IFT81: variants seen among roughly 807,000 people sequenced by gnomAD.
IFT81 encodes the protein intraflagellar transport protein 81 homolog.
IFT81 carries 72 observed loss-of-function variants against 102.6 expected under a neutral mutation model. The ratio of observed to expected loss-of-function variants is 0.70; its 90% CI spans 0.58 to 0.85. IFT81 has a LOEUF of 0.85. Ranked by LOEUF, IFT81 falls within the 40% of genes least tolerant of loss-of-function variation. The pLI, the probability that IFT81 is intolerant of heterozygous loss-of-function variation, is 0.00. For synonymous variants in IFT81, 237 were observed against 242.7 expected (o/e 0.98, Z 0.22); for missense variants, 723 against 787.3 (o/e 0.92, Z 0.98).
At chr12:110,216,300 C>T (rs1870115374) in intron 18 of IFT81, among the ~76,000 whole-genome samples, 3 of 151,916 alleles carry the variant, frequency 2.0e-5, no homozygotes, top group Middle Eastern at 6.9e-3. Flanking sequence ...AGTGACCCTT[C>T]CACCTCAGCC....
chr12:110,146,979 C>T lies in IFT81; in HGVS notation c.972C>T (p.Asn324=). 6.2e-7 allele frequency: 1 copy of T among 1,606,530 alleles called. No homozygotes were observed. ...TAAATGAAATAAACACAGAAATTAA[C>T]CAGTTGATTGAAAAGAAAATGATGA... ...SKINEINTEI[N]QLIEKKMMRN... is the part of the protein sequence containing the mutation. The change falls in exon 10 of 19, where the codon AAC becomes AAT. Residue 324 remains asparagine (N), a synonymous_variant. Transcript: ENST00000242591.
At chr12:110,154,307 A>G (rs1895714460) in intron 10 of IFT81, among the ~76,000 whole-genome samples, 1 of 151,520 alleles carries the variant, frequency 6.6e-6, no homozygotes, top group Non-Finnish European at 1.5e-5. Flanking sequence ...AGCCCAGGCA[A>G]CAGTGTGAGA....
At chr12:110,194,059 C>T (rs547308214) in intron 14 of IFT81, among the ~76,000 whole-genome samples, 1 of 152,170 alleles carries the variant, frequency 6.6e-6, no homozygotes, top group Admixed American at 6.5e-5. Flanking sequence ...GAGGAGGGGC[C>T]TCACACTTTT....
chr12:110,191,542 G>A (rs572817736), intron 13 of IFT81, among the ~76,000 whole-genome samples: 3 of 151,792 alleles, frequency 2.0e-5, no homozygotes, highest in Non-Finnish European at 4.4e-5. Context: ...AATAGTTTAT[G>A]CATTTTCTGT....
chr12:110,189,063 ACTT>A (rs746223112), intron 12 of IFT81, among the ~76,000 whole-genome samples: 16 of 152,028 alleles, frequency 1.1e-4, no homozygotes, highest in Admixed American at 3.3e-4. Flanking sequence ...TTCCTGTAAA[ACTT>A]CTTCTTCTGT....
intron 14 of IFT81, among the ~76,000 whole-genome samples, chr12:110,194,883 G>A (rs1180349033): frequency 6.6e-6 from 1 of 151,948 alleles, no homozygotes; most frequent in Non-Finnish European, 1.5e-5. Flanking sequence ...TTCAGGACGT[G>A]GGAGGACTGA....
chr12:110,127,099 C>A (rs1436532844), intron 1 of IFT81, among the ~76,000 whole-genome samples: 1 of 152,084 alleles, frequency 6.6e-6, no homozygotes, highest in Non-Finnish European at 1.5e-5. Flanking sequence ...ATTCATTTGT[C>A]CACATTAACT....
chr12:110,211,400 T>C (rs911471024), intron 18 of IFT81, among the ~76,000 whole-genome samples: 19 of 151,928 alleles, frequency 1.3e-4, no homozygotes, highest in African/African-American at 4.3e-4. Context: ...GTGTTGGATT[T>C]AGTAGAGCTC....
At chr12:110,201,801 C>T (rs1189816675) in intron 14 of IFT81, among the ~76,000 whole-genome samples, 1 of 152,062 alleles carries the variant, frequency 6.6e-6, no homozygotes, top group Non-Finnish European at 1.5e-5. Flanking sequence ...CCTAGGCCTA[C>T]ACAGCGTCAG....
At chr12:110,184,606 G>A (rs540799449) in intron 12 of IFT81, among the ~76,000 whole-genome samples, 9 of 152,332 alleles carry the variant, frequency 5.9e-5, no homozygotes, top group Admixed American at 3.3e-4. Context: ...GTAAAGGGAA[G>A]GGAGCAGGAG....
intron 18 of IFT81, among the ~76,000 whole-genome samples, chr12:110,213,664 A>G (rs1869742967): frequency 1.3e-5 from 2 of 152,346 alleles, no homozygotes; most frequent in South Asian, 4.1e-4. Context: ...CCTGAGTTAC[A>G]TTCATATAAG....
chr12:110,128,145 G>A lies in IFT81; in HGVS notation c.244G>A (p.Asp82Asn). The stretch of plus-strand genomic sequence containing the variant: ...GTACAAACCTTCAGGAAATGCCACA[G>A]ATATGTAAGAATCTGATCACGTATT... Reference protein sequence around the residue: ...LKYKPSGNATDMSTFRQGLVI... With the variant: ...LKYKPSGNATNMSTFRQGLVI... Residue 82 changes from aspartate (D) to asparagine (N), a missense_variant, in exon 3 of 19, where the codon GAT becomes AAT. Transcript: ENST00000242591. 1 of 1,591,012 alleles carries A rather than the reference G, an allele frequency of 6.3e-7. No individual in the cohort carries two copies. The highest frequency in any genetic ancestry group is 8.6e-7 in the Non-Finnish European group (1 of 1,159,110).
At chr12:110,217,540 GT>G (rs569372471) in intron 18 of IFT81, among the ~76,000 whole-genome samples, 22 of 151,636 alleles carry the variant, frequency 1.5e-4, no homozygotes, top group African/African-American at 4.8e-4. Flanking sequence ...GTTTTGTGTA[GT>G]TTTTTTTGTT....
Position 110,218,114 on chromosome 12 carries a change from G to A in IFT81, c.1919G>A (p.Arg640His), listed in dbSNP as rs766627332. 2.2e-5 allele frequency: 36 copies of A among 1,601,962 alleles called. 1 individual carries two copies. The highest frequency in any genetic ancestry group is 4.5e-5 in the South Asian group (4 of 88,148). ...AATATGAAACAAGCAAAAATGTGGC[G>A]TGATTTGGAACAATTAATGGAATGT... ...GPNMKQAKMW[R>H]DLEQLMECKK... The change falls in exon 19 of 19, where the codon CGT (arginine) becomes CAT (histidine). Residue 640 changes from arginine (R) to histidine (H), a missense_variant. By Grantham distance (29) the Arg-to-His change is conservative. Transcript: ENST00000242591.
chr12:110,168,755 G>T (rs1273784917), intron 11 of IFT81: 1 of 152,152 alleles, frequency 6.6e-6, no homozygotes, highest in African/African-American at 2.4e-5. Flanking sequence ...ATAAAAGACT[G>T]AAGAAAGACA....
At chr12:110,160,745 G>T (rs1896087096) in intron 10 of IFT81, among the ~76,000 whole-genome samples, 1 of 152,028 alleles carries the variant, frequency 6.6e-6, no homozygotes, top group African/African-American at 2.4e-5. Context: ...TATAAATCAG[G>T]GCTTTTCTTT....
intron 11 of IFT81, among the ~76,000 whole-genome samples, chr12:110,177,692 A>G (rs1593339826): frequency 6.6e-6 from 1 of 152,258 alleles, no homozygotes; most frequent in South Asian, 2.1e-4. Context: ...GAATTTTTGT[A>G]TACTCAGGAA....
Position 110,180,364 on chromosome 12 carries a change from A to G in IFT81, c.1189-58A>G, listed in dbSNP as rs147995790. Reference sequence around the variant, plus strand: ...GAATATATTGAGTTTATACAGATGTATGATATTTAGCTACTACTTTTCTAC... The same window carrying G: ...GAATATATTGAGTTTATACAGATGTGTGATATTTAGCTACTACTTTTCTAC... On this transcript the variant is annotated intron_variant, in intron 11 of 18. Transcript: ENST00000242591. 2,350 of 1,093,112 alleles carry G rather than the reference A, an allele frequency of 2.1e-3. 36 individuals are homozygous for G. In the African/African-American group the frequency reaches 0.032, roughly 15 times the overall value. The allele number at this position is 1,093,112 out of a possible 1,614,324, so 67.7% of individuals were successfully genotyped here.
Position 110,137,691 on chromosome 12 carries a change from G to A in IFT81, c.781+831G>A, listed in dbSNP as rs563040450. ...GCAGAGGTTGCAGTGAGCCGAGATCGCGCCATTGTACTGCAGCCTGGGCGA... is the reference window on the plus strand; with the variant it reads ...GCAGAGGTTGCAGTGAGCCGAGATCACGCCATTGTACTGCAGCCTGGGCGA... On this transcript the variant is annotated intron_variant, in intron 8 of 18. Transcript: ENST00000242591. Among the ~76,000 whole-genome samples the A allele has an allele frequency of 2.0e-4, 31 of 152,104 alleles. No homozygotes were observed. In the East Asian group the frequency reaches 6.0e-3, roughly 29 times the overall value.
Sources: allele counts gnomAD v4.1 joint callset (sites outside exome capture counted in the v4.1 genomes callset), GRCh38; gene constraint gnomAD v4.1.1; transcripts MANE v1.5; gene names NCBI Gene and HGNC (gene_info 2026-07-23, HGNC 2026-07-21).